LRIG2: variants seen among roughly 807,000 people sequenced by gnomAD.
LRIG2 encodes leucine rich repeats and immunoglobulin like domains 2.
Under a neutral mutation model 107.8 loss-of-function variants are expected in LRIG2, and 93 were observed. The observed-to-expected ratio is 0.86, with a 90% CI of 0.73 to 1.03. LRIG2 has a LOEUF of 1.03. Among genes scored for constraint, LRIG2 ranks in the 50% least tolerant of loss-of-function variants. The probability of loss-of-function intolerance (pLI) is 0.00; values close to 1 mark genes in which losing one functional copy is unlikely to be tolerated. For synonymous variants in LRIG2, 471 were observed against 470.6 expected, an observed-to-expected ratio of 1.00 and a Z score of -0.01; for missense variants, 1,226 against 1,296.0, an observed-to-expected ratio of 0.95 and a Z score of 0.83.
intron 6 of LRIG2, among the ~76,000 whole-genome samples, chr1:113,095,171 C>T (rs949533265): frequency 1.3e-5 from 2 of 151,740 alleles, no homozygotes; most frequent in African/African-American, 4.8e-5. Context: ...TGGGGTTTCA[C>T]CATGTTGGTC....
intron 1 of LRIG2, among the ~76,000 whole-genome samples, chr1:113,086,721 C>CACATGAT (rs370983652): frequency 2.6e-4 from 40 of 152,284 alleles, no homozygotes; most frequent in Non-Finnish European, 4.6e-4. Flanking sequence ...CCTCTGGCTC[C>CACATGAT]ACATGATATC....
intron 10 of LRIG2, 41 bp downstream of exon 10, chr1:113,100,323 C>A: frequency 6.6e-7 from 1 of 1,516,368 alleles, no homozygotes; most frequent in South Asian, 1.2e-5. Context: ...TATAAATAAT[C>A]TTTGCTATTA....
chr1:113,093,421 G>A lies in LRIG2; in HGVS notation c.381-9G>A, dbSNP rs1403930478. The A allele has an allele frequency of 5.6e-6, 9 of 1,613,230 alleles. No homozygotes were observed. Among genetic ancestry groups the A allele is most frequent in the Non-Finnish European group, 7.6e-6 (9 of 1,179,712 alleles). ...TGGCAGCAGCTTCATTATAATCTTTGTTTTACAGAGTCCATAATATAATCC... is the reference window on the plus strand; with the variant it reads ...TGGCAGCAGCTTCATTATAATCTTTATTTTACAGAGTCCATAATATAATCC... On this transcript the variant is annotated splice_polypyrimidine_tract_variant and intron_variant, in intron 3 of 17. Transcript: ENST00000361127.
intron 11 of LRIG2, among the ~76,000 whole-genome samples, chr1:113,101,612 T>A (rs1654313009): frequency 6.6e-6 from 1 of 152,238 alleles, no homozygotes; most frequent in South Asian, 2.1e-4. Flanking sequence ...GATTGGAAAT[T>A]TAAAAGACTG....
rs1014830144 is a variant in LRIG2 at position 113,126,757 on chromosome 1, A to G, written c.*2656A>G. On this transcript the variant is annotated 3_prime_UTR_variant, in exon 18 of 18. Coordinates refer to ENST00000361127, the MANE Select transcript of LRIG2 (RefSeq NM_014813.3). ...TGTTTTCACCTGATTCTTGTGGGGA[A>G]TCCTCTTTAATTTGTTGTAACCTTC... 1 of 157,270 alleles carries G rather than the reference A, an allele frequency of 6.4e-6. No individual in the cohort carries two copies. The highest frequency in any genetic ancestry group is 6.5e-5 in the Admixed American group (1 of 15,284). The allele number at this position is 157,270 out of a possible 1,614,324, so 9.7% of individuals were successfully genotyped here.
rs10494149 is a variant in LRIG2 at position 113,125,687 on chromosome 1, G to T, written c.*1586G>T. On this transcript the variant is annotated 3_prime_UTR_variant, in exon 18 of 18. Coordinates refer to ENST00000361127, the MANE Select transcript of LRIG2 (RefSeq NM_014813.3). ...ATATCAGAACCATCTCTTTCATTCT[G>T]TGACTTTGCTCTTGCCATGTTCTGA... 17,428 of 152,236 alleles carry T rather than the reference G, an allele frequency of 0.11. 1,107 individuals carry two copies. The highest frequency in any genetic ancestry group is 0.17 in the Admixed American group (2,553 of 15,280). The allele number at this position is 152,236 out of a possible 1,614,324, so 9.4% of individuals were successfully genotyped here.
At position 113,124,308 on chromosome 1, in the gene LRIG2, C is replaced by CA; in HGVS notation, c.*212dup. ...GCTGACAGAAATGGGTACAGCTCAT[C>CA]AAAAATGTGCAGCACCGGCAGAGGG... is the stretch of plus-strand genomic sequence containing the variant. On this transcript the variant is annotated 3_prime_UTR_variant, in exon 18 of 18. Coordinates refer to ENST00000361127, the MANE Select transcript of LRIG2 (RefSeq NM_014813.3). The CA allele has an allele frequency of 1.7e-6, 1 of 587,882 alleles. No homozygotes were observed. The highest frequency in any genetic ancestry group is 2.0e-5 in the South Asian group (1 of 49,346). 36.4% of individuals were successfully genotyped at this position (587,882 alleles called of 1,614,324 possible). A position where few individuals can be genotyped will look rare whatever the true frequency, so the allele number is the denominator to read the frequency against.
chr1:113,110,216 C>T, intron 12 of LRIG2, 26 bp from the exon 13 acceptor site: 1 of 1,486,582 alleles, frequency 6.7e-7, no homozygotes, highest in Non-Finnish European at 9.2e-7. Flanking sequence ...ACTGACTTGG[C>T]TACGGATGCA....
rs768202065 is a variant in LRIG2 at position 113,114,759 on chromosome 1, A to G, written c.2413A>G (p.Thr805Ala). The G allele has an allele frequency of 5.6e-6, 9 of 1,614,154 alleles. No individual in the cohort carries two copies. In the Admixed American group the frequency reaches 1.2e-4, roughly 21 times the overall value. ...TGGGCATGAAGATGATGGCTGGACCACAGTTGGCATTGTCATCATTGTTGT... is the reference window on the plus strand; with the variant it reads ...TGGGCATGAAGATGATGGCTGGACCGCAGTTGGCATTGTCATCATTGTTGT... ...SIGHEDDGWT[T>A]VGIVIIVVVC... Residue 805 changes from threonine (T) to alanine (A), a missense_variant, in exon 15 of 18, where the codon ACA (threonine) becomes GCA (alanine). Physicochemically the swap from Thr to Ala is moderately conservative, Grantham distance 58. Transcript: ENST00000361127.
At position 113,094,730 on chromosome 1, in the gene LRIG2, T is replaced by C. The variant is rs541126481; in HGVS notation, c.778T>C (p.Phe260Leu). 6.2e-7 allele frequency: 1 copy of C among 1,613,836 alleles called. No individual in the cohort carries two copies. Among genetic ancestry groups the C allele is most frequent in the South Asian group, 1.1e-5 (1 of 91,060 alleles). ...GISKLKDGAF[F>L]GLNNMEELEL... Reference sequence around the variant, plus strand: ...TAGCAAACTTAAGGATGGAGCATTTTTTGGCTTGAATAACATGGAAGAACT... The same window carrying C: ...TAGCAAACTTAAGGATGGAGCATTTCTTGGCTTGAATAACATGGAAGAACT... Residue 260 changes from phenylalanine (F) to leucine (L), a missense_variant, in exon 6 of 18, where the codon TTT becomes CTT. Around this residue, in one of 3 missense-constraint regions of LRIG2, gnomAD observed 570 missense variants for 550.2 expected, o/e 1.04. Transcript: ENST00000361127.
At chr1:113,116,480 T>C in intron 16 of LRIG2, 44 bp downstream of exon 16, 1 of 1,524,676 alleles carries the variant, frequency 6.6e-7, no homozygotes, top group Non-Finnish European at 8.9e-7. Flanking sequence ...GCCTATTCTA[T>C]TGAGTTTACT....
rs558156788 is a variant in LRIG2, at chr1:113,113,583, G to A, written c.2080+823G>A. 7.8e-4 allele frequency among the ~76,000 whole-genome samples: 112 copies of A among 143,178 alleles called. 2 individuals are homozygous for A. In the South Asian group the frequency reaches 0.023, roughly 29 times the overall value. 93.9% of individuals were successfully genotyped at this position (143,178 alleles called of 152,430 possible). ...TTATTTATTTATTTATTTATTTTGA[G>A]ACGGAGTCTCATTCTGTTGCCCAGG... On this transcript the variant is annotated intron_variant, in intron 14 of 17. Coordinates refer to ENST00000361127, the MANE Select transcript of LRIG2 (RefSeq NM_014813.3).
chr1:113,081,473 C>T (rs542397413), intron 1 of LRIG2, among the ~76,000 whole-genome samples: 16 of 151,754 alleles, frequency 1.1e-4, no homozygotes, highest in South Asian at 4.2e-4. Context: ...TACAGGCACG[C>T]GCCACCATAC....
chr1:113,114,383 T>C, intron 14 of LRIG2, 44 bp from the exon 15 acceptor site: 1 of 1,331,078 alleles, frequency 7.5e-7, no homozygotes, highest in African/African-American at 1.5e-5. Context: ...GGAATAAAAT[T>C]GCCTAACTTT....
intron 1 of LRIG2, among the ~76,000 whole-genome samples, chr1:113,084,692 A>G (rs1390502810): frequency 6.6e-6 from 1 of 152,214 alleles, no homozygotes; most frequent in African/African-American, 2.4e-5. Flanking sequence ...TGGTTTCCTA[A>G]TGCTAGAAAA....
chr1:113,123,784 A>G (rs1474564781), intron 17 of LRIG2, 91 bp from the exon 18 acceptor site: 3 of 921,444 alleles, frequency 3.3e-6, no homozygotes, highest in Admixed American at 2.1e-5. Context: ...CTATTCAGGA[A>G]TATTGAACAT....
At chr1:113,120,525 T>TTTTTG (rs1655203369) in intron 17 of LRIG2, among the ~76,000 whole-genome samples, 1 of 150,946 alleles carries the variant, frequency 6.6e-6, no homozygotes, top group Non-Finnish European at 1.5e-5. Context: ...TTTTTTTTTT[T>TTTTTG]GGGAAATGGA....
chr1:113,082,722 C>G (rs1248979431), intron 1 of LRIG2, among the ~76,000 whole-genome samples: 1 of 150,874 alleles, frequency 6.6e-6, no homozygotes, highest in African/African-American at 2.4e-5. Context: ...GGTGAGATCT[C>G]AGCTCACTGC....
rs372244824 is a variant in LRIG2 at position 113,095,965 on chromosome 1, A to G, written c.895A>G (p.Ile299Val). 16 of 1,614,082 alleles carry G rather than the reference A, an allele frequency of 9.9e-6. No homozygotes were observed. Among genetic ancestry groups the G allele is most frequent in the African/African-American group, 1.3e-5 (1 of 74,928 alleles). ...LQQLYVSQNA[I>V]ERISPDAWEF... Reference sequence around the variant, plus strand: ...GCAGCTCTATGTGAGCCAGAATGCTATTGAAAGAATCAGCCCTGATGCATG... The same window carrying G: ...GCAGCTCTATGTGAGCCAGAATGCTGTTGAAAGAATCAGCCCTGATGCATG... The change falls in exon 7 of 18, where the codon ATT becomes GTT. Residue 299 changes from isoleucine to valine, a missense_variant. This residue lies in a region of LRIG2 where 570 missense variants were observed against 550.2 expected (regional missense o/e 1.04). Transcript: ENST00000361127.
Sources: allele counts gnomAD v4.1 joint callset (sites outside exome capture counted in the v4.1 genomes callset), GRCh38; gene constraint gnomAD v4.1.1; regional missense constraint gnomAD v4.1.1; transcripts MANE v1.5; gene names NCBI Gene and HGNC (gene_info 2026-07-23, HGNC 2026-07-21).